The following HFM1 variants were observed in gnomAD, a reference collection of about 807,000 sequenced individuals.
HFM1 encodes probable ATP-dependent DNA helicase HFM1.
In HFM1, 169 loss-of-function variants were observed where a neutral mutation model predicts 192.1. The observed-to-expected ratio is 0.88, with a 90% confidence interval of 0.78 to 1.00. The LOEUF (loss-of-function observed/expected upper bound fraction) is 1.00, where lower values mean the gene tolerates loss of function less well. Among genes scored for constraint, HFM1 ranks in the 50% least tolerant of loss-of-function variants. HFM1 has a pLI of 0.00. For synonymous variants in HFM1, 525 were observed against 537.8 expected (o/e 0.98, Z 0.33); for missense variants, 1,661 against 1,668.0 (o/e 1.00, Z 0.07).
chr1:91,320,803 G>A (rs1651979096), intron 23 of HFM1, among the ~76,000 whole-genome samples: 2 of 152,248 alleles, frequency 1.3e-5, no homozygotes, highest in East Asian at 3.9e-4. Context: ...AAAAACAGAA[G>A]TGCCACAGCC....
chr1:91,304,751 T>C (rs1046571097), intron 30 of HFM1, among the ~76,000 whole-genome samples: 3 of 152,064 alleles, frequency 2.0e-5, no homozygotes, highest in Admixed American at 2.0e-4. Context: ...AGTGCTGGGA[T>C]TACTGGTGTT....
chr1:91,289,820 G>A (rs1668515165), intron 30 of HFM1, among the ~76,000 whole-genome samples: 1 of 152,206 alleles, frequency 6.6e-6, no homozygotes, highest in African/African-American at 2.4e-5. Context: ...GCACAGTCCA[G>A]CCTCAGCTCA....
At chr1:91,269,689 C>A (rs1199043198) in intron 34 of HFM1, among the ~76,000 whole-genome samples, 1 of 152,142 alleles carries the variant, frequency 6.6e-6, no homozygotes, top group Non-Finnish European at 1.5e-5. Context: ...GTAAGACATA[C>A]TCTTCTAAGG....
intron 30 of HFM1, among the ~76,000 whole-genome samples, chr1:91,286,649 C>G (rs552551721): frequency 6.6e-6 from 1 of 151,696 alleles, no homozygotes; most frequent in Non-Finnish European, 1.5e-5. Context: ...CATTCACGAC[C>G]GAGGAGCCAA....
intron 36 of HFM1, among the ~76,000 whole-genome samples, chr1:91,265,178 A>G (rs1047050518): frequency 1.2e-4 from 18 of 152,142 alleles, no homozygotes; most frequent in African/African-American, 4.3e-4. Context: ...CTGTGCTTAA[A>G]TATTTTGGAT....
In HFM1 at chr1:91,281,757, C is replaced by T. The variant is rs112112616; in HGVS notation, c.3392-4695G>A. Among the ~76,000 whole-genome samples the T allele has an allele frequency of 3.7e-3, 556 of 152,272 alleles. 5 individuals carry two copies. The highest frequency in any genetic ancestry group is 0.013 in the African/African-American group (528 of 41,550). On this transcript the variant is annotated intron_variant, in intron 30 of 38. Coordinates refer to ENST00000370425, the MANE Select transcript of HFM1 (RefSeq NM_001017975.6). ...TATTACAGTTTTGGAGACAGGGTCTCGCTCTGTCACCCAGGCTGGAGTGCA... is the reference window on the plus strand; with the variant it reads ...TATTACAGTTTTGGAGACAGGGTCTTGCTCTGTCACCCAGGCTGGAGTGCA...
intron 20 of HFM1, among the ~76,000 whole-genome samples, chr1:91,334,328 G>A (rs904641895): frequency 6.6e-6 from 1 of 152,136 alleles, no homozygotes; most frequent in African/African-American, 2.4e-5. Context: ...AGAAGATTAA[G>A]TGCAATTAAA....
chr1:91,392,928 A>G (rs1305769309), intron 4 of HFM1, among the ~76,000 whole-genome samples: 2 of 152,192 alleles, frequency 1.3e-5, no homozygotes, highest in African/African-American at 4.8e-5. Flanking sequence ...GAAAGGGAGA[A>G]ATGAAGAGTA....
intron 17 of HFM1, among the ~76,000 whole-genome samples, 197 bp from the exon 18 acceptor site, chr1:91,351,068 T>C (rs181644373): frequency 2.0e-4 from 30 of 152,168 alleles, no homozygotes; most frequent in African/African-American, 5.8e-4. Flanking sequence ...CTCTACTCTA[T>C]GGCTGTAGAA....
At chr1:91,298,035 C>T (rs1271498175) in intron 30 of HFM1, among the ~76,000 whole-genome samples, 4 of 152,014 alleles carry the variant, frequency 2.6e-5, no homozygotes, top group African/African-American at 4.8e-5. Context: ...AGTTAAAAAC[C>T]TTGAAAAAAA....
chr1:91,286,576 C>T (rs1667994266), intron 30 of HFM1, among the ~76,000 whole-genome samples: 1 of 152,158 alleles, frequency 6.6e-6, no homozygotes, highest in Non-Finnish European at 1.5e-5. Flanking sequence ...AGGATGCAGT[C>T]ATATTGGATT....
chr1:91,328,567 C>T (rs1395267519), intron 20 of HFM1: 63 of 1,610,996 alleles, frequency 3.9e-5, no homozygotes, highest in Non-Finnish European at 5.3e-5. Flanking sequence ...GACCACCAGC[C>T]ACCTGATAGG....
intron 6 of HFM1, among the ~76,000 whole-genome samples, chr1:91,383,067 A>G (rs1416324596): frequency 6.6e-6 from 1 of 152,184 alleles, no homozygotes; most frequent in Non-Finnish European, 1.5e-5. Flanking sequence ...TCCACTTTAA[A>G]ATACATACTT....
intron 1 of HFM1, among the ~76,000 whole-genome samples, chr1:91,401,573 A>G (rs1664314443): frequency 6.6e-6 from 1 of 152,218 alleles, no homozygotes; most frequent in Admixed American, 6.5e-5. Context: ...CTATGTACAT[A>G]TGCAGGGATT....
chr1:91,262,893 A>T (rs1052672818), intron 36 of HFM1, among the ~76,000 whole-genome samples: 1 of 152,152 alleles, frequency 6.6e-6, no homozygotes, highest in East Asian at 1.9e-4. Flanking sequence ...AGAACCCTAT[A>T]AACATTTTCT....
chr1:91,313,867 T>C (rs1557832430), intron 29 of HFM1, 90 bp downstream of exon 29: 1 of 672,050 alleles, frequency 1.5e-6, no homozygotes, highest in Middle Eastern at 4.2e-4. Context: ...ATACCATTTA[T>C]ACTGTTTTTC....
chr1:91,289,012 C>T (rs1281927481), intron 30 of HFM1, among the ~76,000 whole-genome samples: 2 of 151,038 alleles, frequency 1.3e-5, no homozygotes, highest in East Asian at 4.0e-4. Context: ...GGCTACCCCC[C>T]ACCTCCCGGA....
chr1:91,378,715 T>C (rs2101994795), intron 9 of HFM1, among the ~76,000 whole-genome samples: 1 of 152,170 alleles, frequency 6.6e-6, no homozygotes, highest in African/African-American at 2.4e-5. Flanking sequence ...AACCACAAAA[T>C]ATTCAAAGTC....
intron 13 of HFM1, among the ~76,000 whole-genome samples, chr1:91,373,681 A>G (rs1264863645): frequency 6.6e-6 from 1 of 151,828 alleles, no homozygotes; most frequent in African/African-American, 2.4e-5. Flanking sequence ...TCACCATGTG[A>G]TACACCAACT....
Sources: gnomAD v4.1 joint callset for allele counts (sites outside exome capture counted in the v4.1 genomes callset) on GRCh38, gnomAD v4.1.1 for gene constraint, MANE v1.5 for transcripts, NCBI Gene and HGNC (gene_info 2026-07-23, HGNC 2026-07-21) for gene names.